UGGT2: variants seen among roughly 807,000 people sequenced by gnomAD.
The protein encoded by UGGT2 is UDP-glucose glycoprotein glucosyltransferase 2, also known as UDP-glucose:glycoprotein glucosyltransferase 2.
A neutral mutation model predicts 192.1 loss-of-function variants in UGGT2; 180 were observed. That is an observed-to-expected ratio of 0.94 (90% CI 0.83 to 1.06). The LOEUF (loss-of-function observed/expected upper bound fraction) is 1.06, where lower values mean the gene tolerates loss of function less well. Among genes scored for constraint, UGGT2 ranks in the 50% least tolerant of loss-of-function variants. The pLI, the probability that UGGT2 is intolerant of heterozygous loss-of-function variation, is 0.00. For synonymous variants in UGGT2, 580 were observed against 591.0 expected (o/e 0.98, Z 0.27); for missense variants, 1,849 against 1,795.7 (o/e 1.03, Z -0.54).
chr13:95,943,879 C>G (rs1269621986), intron 15 of UGGT2, among the ~76,000 whole-genome samples: 2 of 151,938 alleles, frequency 1.3e-5, no homozygotes, highest in Non-Finnish European at 2.9e-5. Context: ...TGCTTTCTAT[C>G]ATTTTACTGC....
intron 1 of UGGT2, among the ~76,000 whole-genome samples, chr13:96,043,431 C>T (rs1316756743): frequency 1.3e-5 from 2 of 151,962 alleles, no homozygotes; most frequent in African/African-American, 2.4e-5. Context: ...ACATAAATCT[C>T]GCAGGACCTA....
At chr13:95,996,256 CT>C in intron 6 of UGGT2, 121 bp from the exon 7 acceptor site, 1 of 782,350 alleles carries the variant, frequency 1.3e-6, no homozygotes, top group Non-Finnish European at 2.1e-6. Flanking sequence ...AATCCCAGCA[CT>C]TTGGGAGGCC....
intron 20 of UGGT2, among the ~76,000 whole-genome samples, chr13:95,913,494 A>T (rs972727106): frequency 1.3e-5 from 2 of 152,242 alleles, no homozygotes; most frequent in Non-Finnish European, 2.9e-5. Flanking sequence ...AAAAATGCTC[A>T]TCACTGGTCA....
chr13:95,863,473 C>T, intron 31 of UGGT2, 156 bp downstream of exon 31: 2 of 584,764 alleles, frequency 3.4e-6, no homozygotes, highest in Non-Finnish European at 6.1e-6. Context: ...CTCTAGTTTC[C>T]TATCTTGTAC....
intron 1 of UGGT2, among the ~76,000 whole-genome samples, chr13:96,035,411 T>C (rs2052972252): frequency 6.6e-6 from 1 of 151,988 alleles, no homozygotes; most frequent in Admixed American, 6.6e-5. Context: ...AAAAATTAAC[T>C]CAAGATGAAT....
chr13:95,969,952 G>T (rs949294845), intron 12 of UGGT2, among the ~76,000 whole-genome samples, 160 bp downstream of exon 12: 10 of 152,196 alleles, frequency 6.6e-5, no homozygotes, highest in African/African-American at 2.4e-4. Context: ...GAAGGAAGCT[G>T]CAAGTGGGAG....
chr13:95,959,623 G>A, intron 12 of UGGT2, among the ~76,000 whole-genome samples: 1 of 152,084 alleles, frequency 6.6e-6, no homozygotes, highest in East Asian at 1.9e-4. Context: ...ATCACCTCAG[G>A]GCCTGGGCAA....
chr13:95,997,354 ATT>A (rs2051656335), intron 6 of UGGT2, among the ~76,000 whole-genome samples: 1 of 152,180 alleles, frequency 6.6e-6, no homozygotes, highest in African/African-American at 2.4e-5. Flanking sequence ...AGACTGATAT[ATT>A]TATTAGTCTG....
intron 20 of UGGT2, among the ~76,000 whole-genome samples, chr13:95,909,785 A>ATAAT (rs2048422795): frequency 1.1e-5 from 1 of 89,006 alleles, no homozygotes; most frequent in Non-Finnish European, 2.5e-5. Context: ...ATAATAAAAA[A>ATAAT]GATTCCTGCC....
intron 20 of UGGT2, among the ~76,000 whole-genome samples, chr13:95,923,927 G>T (rs2048930184): frequency 6.6e-6 from 1 of 152,040 alleles, no homozygotes; most frequent in Non-Finnish European, 1.5e-5. Context: ...TTTCTATAAG[G>T]AACATGTGAT....
chr13:95,909,783 A>AT (rs1402621141), intron 20 of UGGT2, among the ~76,000 whole-genome samples: 3 of 137,204 alleles, frequency 2.2e-5, no homozygotes, highest in Non-Finnish European at 3.1e-5. Context: ...TAATAATAAA[A>AT]AAGATTCCTG....
intron 21 of UGGT2, 31 bp downstream of exon 21, chr13:95,902,823 T>G (rs765613037): frequency 6.3e-7 from 1 of 1,588,386 alleles, no homozygotes. Flanking sequence ...ATGCAATACA[T>G]ACATATTTAA....
At chr13:95,882,901 C>T (rs1226074652) in intron 27 of UGGT2, among the ~76,000 whole-genome samples, 1 of 152,202 alleles carries the variant, frequency 6.6e-6, no homozygotes, top group African/African-American at 2.4e-5. Context: ...TATATTGCCG[C>T]ACTCTCTTCA....
rs147582305 is a variant in UGGT2 at position 95,853,790 on chromosome 13, T to C, written c.4170-133A>G. ...GATCTAATAACAATTAATCCTTTCA[T>C]AAATTTGCTCCTAATATCTAATACT... On this transcript the variant is annotated intron_variant, in intron 35 of 38. Transcript: ENST00000376747. 467 of 558,360 alleles carry C rather than the reference T, an allele frequency of 8.4e-4. 5 individuals carry two copies. The highest frequency in any genetic ancestry group is 7.9e-3 in the African/African-American group (401 of 50,530). The allele number at this position is 558,360 out of a possible 1,614,324, so 34.6% of individuals were successfully genotyped here.
chr13:95,980,725 C>A (rs2051093800), intron 10 of UGGT2, among the ~76,000 whole-genome samples: 1 of 152,188 alleles, frequency 6.6e-6, no homozygotes, highest in Non-Finnish European at 1.5e-5. Flanking sequence ...CTCTTCAGAG[C>A]TGGATGTCGC....
At chr13:95,983,184 GTTGGTACCATCCACCCTGCCTCTT>G (rs1161788910) in intron 10 of UGGT2, among the ~76,000 whole-genome samples, 3 of 152,196 alleles carry the variant, frequency 2.0e-5, no homozygotes, top group Non-Finnish European at 4.4e-5. Flanking sequence ...GATAAATGTG[GTTGGTACCATCCACCCTGCCTCTT>G]TTGGCTTTAA....
At chr13:95,912,803 A>C (rs1213088392) in intron 20 of UGGT2, among the ~76,000 whole-genome samples, 1 of 152,228 alleles carries the variant, frequency 6.6e-6, no homozygotes, top group Non-Finnish European at 1.5e-5. Context: ...CAAAAGAACA[A>C]AGCTGGAGGC....
At chr13:95,986,296 G>T in intron 9 of UGGT2, 37 bp downstream of exon 9, 2 of 1,362,778 alleles carry the variant, frequency 1.5e-6, no homozygotes, top group South Asian at 1.2e-5. Flanking sequence ...AATAGAAAGA[G>T]TTATAGCTGC....
At chr13:95,880,862 A>T (rs2047472167) in intron 27 of UGGT2, among the ~76,000 whole-genome samples, 1 of 147,328 alleles carries the variant, frequency 6.8e-6, no homozygotes, top group Non-Finnish European at 1.5e-5. Context: ...CTCTTATCAT[A>T]GGTAGGTATG....
Sources: gnomAD v4.1 joint callset for allele counts (sites outside exome capture counted in the v4.1 genomes callset) on GRCh38, gnomAD v4.1.1 for gene constraint, MANE v1.5 for transcripts, NCBI Gene and HGNC (gene_info 2026-07-23, HGNC 2026-07-21) for gene names.